HK1: variants seen among roughly 807,000 people sequenced by gnomAD.
HK1 encodes the protein hexokinase 1.
HK1 carries 28 observed loss-of-function variants against 91.6 expected under a neutral mutation model. The ratio of observed to expected loss-of-function variants is 0.31; its 90% CI spans 0.23 to 0.42. HK1 has a LOEUF of 0.42. HK1 is among the 10% of genes least tolerant of loss of function. HK1 has a pLI of 1.00. For missense variants in HK1, 770 were observed against 1,219.8 expected (o/e 0.63, Z 5.49); for synonymous variants, 430 against 468.1 (o/e 0.92, Z 1.05).
chr10:69,319,121 C>A, intron 1 of HK1, 111 bp downstream of exon 1: 1 of 1,286,258 alleles, frequency 7.8e-7, no homozygotes, highest in Non-Finnish European at 1.1e-6. Context: ...TCCGGGCCAG[C>A]ATCGAGTTGG....
chr10:69,300,308 T>A, intron 4 of HK1: 1 of 371,514 alleles, frequency 2.7e-6, no homozygotes. Context: ...ACATATGTAC[T>A]CTCTTGTGTC....
intron 1 of HK1, among the ~76,000 whole-genome samples, chr10:69,328,921 G>T (rs1267790666): frequency 4.6e-5 from 7 of 151,444 alleles, no homozygotes; most frequent in African/African-American, 1.7e-4. Flanking sequence ...GGCTTTTTGT[G>T]TCTAGCCTCT....
At chr10:69,326,122 C>T (rs888540436) in intron 1 of HK1, among the ~76,000 whole-genome samples, 1 of 150,766 alleles carries the variant, frequency 6.6e-6, no homozygotes, top group Non-Finnish European at 1.5e-5. Flanking sequence ...ACGTGAGCCA[C>T]CGCGCCTGGC....
rs375152115 is a variant in HK1 at position 69,364,899 on chromosome 10, T to C, written c.492T>C (p.Asp164=). The change falls in exon 4 of 18, where the codon GAT becomes GAC. Residue 164 remains aspartate (D), a synonymous_variant. Coordinates refer to ENST00000359426, the MANE Select transcript of HK1 (RefSeq NM_000188.3). ...FSFPCQQSKI[D]EAILITWTKR... ...TTCCTTGCCAACAATCCAAAATAGA[T>C]GAGGTAAGGATGTTCTGGGATTATC... 8.1e-6 allele frequency: 13 copies of C among 1,613,992 alleles called. No individual in the cohort carries two copies. In the African/African-American group the frequency reaches 1.7e-4, roughly 22 times the overall value.
intron 2 of HK1, among the ~76,000 whole-genome samples, chr10:69,351,583 C>A (rs1019838717): frequency 2.0e-5 from 3 of 152,138 alleles, no homozygotes; most frequent in Non-Finnish European, 4.4e-5. Flanking sequence ...AGTTGAAGAG[C>A]CCCAGAAAAG....
chr10:69,346,076 C>A (rs1320701733), intron 2 of HK1, among the ~76,000 whole-genome samples: 1 of 127,686 alleles, frequency 7.8e-6, no homozygotes, highest in East Asian at 2.2e-4. Flanking sequence ...CACTTCCTGC[C>A]CCTTCGTGTT....
At chr10:69,273,459 G>T (rs539927631) in intron 1 of HK1, among the ~76,000 whole-genome samples, 3 of 152,052 alleles carry the variant, frequency 2.0e-5, no homozygotes, top group Non-Finnish European at 4.4e-5. Flanking sequence ...ATCATGATCC[G>T]CCCACCTCGG....
chr10:69,320,589 G>A (rs189906016), intron 1 of HK1, among the ~76,000 whole-genome samples: 10 of 152,166 alleles, frequency 6.6e-5, no homozygotes, highest in Admixed American at 3.3e-4. Flanking sequence ...CAGTTCTCCC[G>A]GCATGGCAAG....
upstream of HK1, among the ~76,000 whole-genome samples, chr10:69,313,346 C>T (rs924430650): frequency 2.0e-5 from 3 of 152,190 alleles, no homozygotes; most frequent in Non-Finnish European, 4.4e-5. Context: ...GCGGGGAAGG[C>T]GCTGGCTAAG....
Position 69,368,628 on chromosome 10 carries a change from A to G in HK1, c.588A>G (p.Arg196=). The G allele has an allele frequency of 6.2e-7, 1 of 1,613,098 alleles. No individual in the cohort carries two copies. Among genetic ancestry groups the G allele is most frequent in the Non-Finnish European group, 8.5e-7 (1 of 1,179,034 alleles). Residue 196 remains arginine, a synonymous_variant, in exon 5 of 18, where the codon CGA becomes CGG. Transcript: ENST00000359426. ...TGCTTAACAAAGCCATCAAAAAGCG[A>G]GGGGTAATTTCTCCTGGGCCCTCTG... is the stretch of plus-strand genomic sequence containing the variant. ...VKLLNKAIKK[R]GDYDANIVAV...
At chr10:69,303,236 G>C (rs1845963839) in intron 5 of HK1, among the ~76,000 whole-genome samples, 2 of 152,126 alleles carry the variant, frequency 1.3e-5, no homozygotes, top group South Asian at 4.1e-4. Context: ...TGATGACAAG[G>C]ATGCAGGTTC....
chr10:69,320,383 C>A (rs78512140), intron 1 of HK1, among the ~76,000 whole-genome samples: 6 of 152,140 alleles, frequency 3.9e-5, no homozygotes, highest in Non-Finnish European at 7.4e-5. Context: ...GGAATGCCAT[C>A]TGCCATTGCT....
upstream of HK1, chr10:69,318,292 G>T (rs1040775111): frequency 7.7e-5 from 69 of 899,856 alleles, no homozygotes; most frequent in Non-Finnish European, 8.5e-5. Flanking sequence ...TGCGAGGACT[G>T]CGTAGCGTCC....
At chr10:69,330,118 T>G (rs75120761) in intron 1 of HK1, among the ~76,000 whole-genome samples, 2,071 of 152,212 alleles carry the variant, frequency 0.014, 45 homozygotes, top group African/African-American at 0.044. Context: ...CAGCTGTCGA[T>G]TCCATCAATT....
chr10:69,363,406 T>G (rs1308941047), intron 3 of HK1, among the ~76,000 whole-genome samples: 1 of 152,208 alleles, frequency 6.6e-6, no homozygotes, highest in Non-Finnish European at 1.5e-5. Context: ...TGAGACAGGG[T>G]CTCACTCTGC....
At chr10:69,381,546 C>CTTTTTTTTTTTTTTTTTTTT (rs35306200) in intron 9 of HK1, among the ~76,000 whole-genome samples, 1 of 132,246 alleles carries the variant, frequency 7.6e-6, no homozygotes. Context: ...TCATCTTAAC[C>CTTTTTTTTTTTTTTTTTTTT]TTTTTTTTTT....
intron 4 of HK1, among the ~76,000 whole-genome samples, chr10:69,295,900 C>A (rs1845540908): frequency 6.6e-6 from 1 of 152,122 alleles, no homozygotes; most frequent in African/African-American, 2.4e-5. Context: ...AACAGAGGCC[C>A]CCTTCTTAGC....
chr10:69,325,409 A>G (rs534116861), intron 1 of HK1, among the ~76,000 whole-genome samples: 10 of 145,438 alleles, frequency 6.9e-5, no homozygotes, highest in African/African-American at 2.3e-4. Context: ...CCAGGCTGGA[A>G]TGCAGTGATG....
intron 5 of HK1, among the ~76,000 whole-genome samples, chr10:69,307,122 A>T (rs115485279): frequency 6.6e-6 from 1 of 152,180 alleles, no homozygotes; most frequent in East Asian, 1.9e-4. Context: ...GGCAGCTGGA[A>T]ATATAATCAC....
Sources: gnomAD v4.1 joint callset for allele counts (sites outside exome capture counted in the v4.1 genomes callset) on GRCh38, gnomAD v4.1.1 for gene constraint, MANE v1.5 for transcripts, NCBI Gene and HGNC (gene_info 2026-07-23, HGNC 2026-07-21) for gene names.